The following DOCK5 variants were observed in gnomAD, a reference collection of about 807,000 sequenced individuals.
The protein encoded by DOCK5 is dedicator of cytokinesis protein 5.
In DOCK5, 142 loss-of-function variants were observed where a neutral mutation model predicts 251.8. The observed-to-expected ratio is 0.56, with a 90% confidence interval of 0.49 to 0.65. The LOEUF is 0.65. DOCK5 is among the 30% of genes least tolerant of loss of function. DOCK5 has a pLI of 0.00. For synonymous variants in DOCK5, 842 were observed against 835.5 expected, an observed-to-expected ratio of 1.01 and a Z score of -0.13; for missense variants, 2,111 against 2,312.3, an observed-to-expected ratio of 0.91 and a Z score of 1.79.
At chr8:25,252,737 A>T (rs1803304566) in intron 2 of DOCK5, among the ~76,000 whole-genome samples, 1 of 152,214 alleles carries the variant, frequency 6.6e-6, no homozygotes, top group Non-Finnish European at 1.5e-5. Flanking sequence ...GTCAGTGAAA[A>T]GTCTTATCTC....
intron 1 of DOCK5, among the ~76,000 whole-genome samples, chr8:25,231,560 T>G (rs1249477822): frequency 3.9e-5 from 6 of 152,220 alleles, no homozygotes; most frequent in Non-Finnish European, 8.8e-5. Context: ...AAAACTCACA[T>G]ATTAGTTGTA....
chr8:25,269,918 A>G (rs1413867212), intron 3 of DOCK5, among the ~76,000 whole-genome samples: 2 of 152,246 alleles, frequency 1.3e-5, no homozygotes, highest in Non-Finnish European at 2.9e-5. Context: ...CTGCACAGAT[A>G]GGCTGATGTT....
At chr8:25,362,918 A>G in intron 28 of DOCK5, 129 bp from the exon 29 acceptor site, 1 of 679,670 alleles carries the variant, frequency 1.5e-6, no homozygotes, top group Non-Finnish European at 2.6e-6. Flanking sequence ...AAAACCCTTG[A>G]AAGATGGGCT....
intron 1 of DOCK5, among the ~76,000 whole-genome samples, chr8:25,202,667 C>T (rs1801907680): frequency 1.3e-5 from 2 of 152,108 alleles, no homozygotes; most frequent in Admixed American, 1.3e-4. Flanking sequence ...GGATAGTACC[C>T]AAGCTTGTAT....
chr8:25,384,757 G>A (rs2117308686), intron 40 of DOCK5, among the ~76,000 whole-genome samples: 1 of 151,804 alleles, frequency 6.6e-6, no homozygotes, highest in African/African-American at 2.4e-5. Context: ...ACCGTGCCCA[G>A]CCTATGTCTT....
chr8:25,284,316 C>G (rs1474004506), intron 5 of DOCK5, among the ~76,000 whole-genome samples: 4 of 152,218 alleles, frequency 2.6e-5, no homozygotes, highest in African/African-American at 9.7e-5. Flanking sequence ...TGACTAACCC[C>G]TCACAACTCT....
chr8:25,282,221 T>G (rs1001022781), intron 5 of DOCK5, among the ~76,000 whole-genome samples: 1 of 151,326 alleles, frequency 6.6e-6, no homozygotes, highest in Non-Finnish European at 1.5e-5. Flanking sequence ...GTATTAATTG[T>G]GGCTTTCTCT....
At chr8:25,359,408 A>C (rs1344952010) in intron 28 of DOCK5, among the ~76,000 whole-genome samples, 1 of 152,224 alleles carries the variant, frequency 6.6e-6, no homozygotes, top group Non-Finnish European at 1.5e-5. Context: ...TTTAGAAGGC[A>C]GGGGTGTGCA....
chr8:25,331,466 A>G (rs897770486), intron 18 of DOCK5, among the ~76,000 whole-genome samples: 2 of 152,102 alleles, frequency 1.3e-5, no homozygotes, highest in South Asian at 2.1e-4. Context: ...TAAAGTTTCA[A>G]AATTCTCCAT....
intron 48 of DOCK5, among the ~76,000 whole-genome samples, chr8:25,406,778 C>A (rs1801530946): frequency 6.6e-6 from 1 of 151,996 alleles, no homozygotes; most frequent in Admixed American, 6.5e-5. Flanking sequence ...CAGGCGCCCA[C>A]CACCACGCCT....
chr8:25,287,720 CA>C (rs1045301258), intron 5 of DOCK5, among the ~76,000 whole-genome samples: 5 of 152,012 alleles, frequency 3.3e-5, no homozygotes, highest in African/African-American at 1.2e-4. Flanking sequence ...GATGATGTGA[CA>C]GTGGCGGATA....
chr8:25,393,444 C>A (rs1801295211), intron 44 of DOCK5, among the ~76,000 whole-genome samples: 2 of 152,192 alleles, frequency 1.3e-5, no homozygotes, highest in Non-Finnish European at 2.9e-5. Context: ...CATTCTCGTG[C>A]TTAAAGTCCT....
chr8:25,309,381 A>G (rs964001616), intron 12 of DOCK5, among the ~76,000 whole-genome samples: 6 of 151,964 alleles, frequency 3.9e-5, no homozygotes, highest in East Asian at 3.9e-4. Flanking sequence ...ATGGAGTCTC[A>G]CTATATTGCC....
At chr8:25,301,250 G>A (rs883397) in intron 9 of DOCK5, among the ~76,000 whole-genome samples, 34 of 152,138 alleles carry the variant, frequency 2.2e-4, no homozygotes, top group Non-Finnish European at 4.4e-4. Context: ...CACAGACAAG[G>A]GGGGGCTACT....
At chr8:25,311,922 C>CA (rs763402229) in intron 13 of DOCK5, among the ~76,000 whole-genome samples, 5,250 of 110,494 alleles carry the variant, frequency 0.048, 219 homozygotes, top group African/African-American at 0.14. Context: ...ACTCTGCCTC[C>CA]AAAAAAAAAA....
chr8:25,300,196 G>A (rs1804726838), intron 8 of DOCK5, among the ~76,000 whole-genome samples: 1 of 152,240 alleles, frequency 6.6e-6, no homozygotes, highest in South Asian at 2.1e-4. Flanking sequence ...GTGAGCCACT[G>A]CGCCCTGCCT....
At chr8:25,372,446 CTG>C in intron 34 of DOCK5, 111 bp from the exon 35 acceptor site, 1 of 1,078,092 alleles carries the variant, frequency 9.3e-7, no homozygotes. Context: ...CATTGACGTT[CTG>C]TGTCATCAAA....
At chr8:25,284,587 C>T (rs990162705) in intron 5 of DOCK5, among the ~76,000 whole-genome samples, 34 of 152,226 alleles carry the variant, frequency 2.2e-4, no homozygotes, top group African/African-American at 5.1e-4. Flanking sequence ...GCAGCTCCAG[C>T]GAGCTGATCT....
chr8:25,251,903 C>T (rs111566462), intron 2 of DOCK5, among the ~76,000 whole-genome samples: 25,415 of 151,626 alleles, frequency 0.17, 2,339 homozygotes, highest in Admixed American at 0.25. Context: ...GCACAAGAAT[C>T]GCTTGAACCC....
Sources: allele counts gnomAD v4.1 joint callset (sites outside exome capture counted in the v4.1 genomes callset), GRCh38; gene constraint gnomAD v4.1.1; transcripts MANE v1.5; gene names NCBI Gene and HGNC (gene_info 2026-07-23, HGNC 2026-07-21).